The following FARS2 variants were observed in gnomAD, a reference collection of about 807,000 sequenced individuals.
FARS2 encodes the protein phenylalanyl-tRNA synthetase 2, mitochondrial.
FARS2 carries 40 observed loss-of-function variants against 46.4 expected under a neutral mutation model. The ratio of observed to expected loss-of-function variants is 0.86; its 90% CI spans 0.67 to 1.12. FARS2 has a LOEUF of 1.12. FARS2 is among the 50% of genes most tolerant of loss of function. The pLI, the probability that FARS2 is intolerant of heterozygous loss-of-function variation, is 0.00. For synonymous variants in FARS2, 234 were observed against 214.9 expected (o/e 1.09, Z -0.78); for missense variants, 513 against 567.9 (o/e 0.90, Z 0.98).
intron 4 of FARS2, among the ~76,000 whole-genome samples, chr6:5,514,068 A>C (rs1768626847): frequency 6.8e-6 from 1 of 146,952 alleles, no homozygotes; most frequent in Non-Finnish European, 1.5e-5. Flanking sequence ...AAAAAATAGA[A>C]AATTAACATA....
chr6:5,703,263 A>T (rs1758549768), intron 6 of FARS2, among the ~76,000 whole-genome samples: 1 of 152,162 alleles, frequency 6.6e-6, no homozygotes, highest in Non-Finnish European at 1.5e-5. Flanking sequence ...GGAACCAAGC[A>T]CAATCCACGC....
At chr6:5,745,913 G>T (rs1280749800) in intron 6 of FARS2, among the ~76,000 whole-genome samples, 1 of 152,128 alleles carries the variant, frequency 6.6e-6, no homozygotes, top group African/African-American at 2.4e-5. Context: ...AGAGTCGGAG[G>T]AGAACCCTGG....
At position 5,545,267 on chromosome 6, in the gene FARS2, T is replaced by A; in HGVS notation, c.992T>A (p.Leu331His). The A allele has an allele frequency of 6.2e-7, 1 of 1,614,124 alleles. No homozygotes were observed. The highest frequency in any genetic ancestry group is 8.5e-7 in the Non-Finnish European group (1 of 1,179,966). ...CTCTACGACATCCCTGATATCCGTC[T>A]CTTCTGGTGTGAGGACGAGCGCTTC... ...MILYDIPDIR[L>H]FWCEDERFLK... Residue 331 changes from leucine (L) to histidine (H), a missense_variant, in exon 5 of 7, where the codon CTC becomes CAC. Leu to His is a moderately conservative substitution (Grantham distance 99). Coordinates refer to ENST00000274680, the MANE Select transcript of FARS2 (RefSeq NM_006567.5).
intron 6 of FARS2, among the ~76,000 whole-genome samples, chr6:5,750,721 G>A (rs533821164): frequency 2.7e-3 from 409 of 152,160 alleles, no homozygotes; most frequent in Non-Finnish European, 4.4e-3. Flanking sequence ...TGCAGGAGGC[G>A]GGGGAGTTGT....
intron 5 of FARS2, among the ~76,000 whole-genome samples, chr6:5,604,238 G>T (rs1163022949): frequency 6.6e-6 from 1 of 152,154 alleles, no homozygotes; most frequent in Non-Finnish European, 1.5e-5. Context: ...GTCATCGCTC[G>T]TAGGATGGGG....
chr6:5,718,983 C>T (rs1020713884), intron 6 of FARS2, among the ~76,000 whole-genome samples: 11 of 152,156 alleles, frequency 7.2e-5, no homozygotes, highest in Admixed American at 7.2e-4. Context: ...AGCCTGAGTG[C>T]TTGCACCTTA....
chr6:5,426,713 C>T (rs1183449066), intron 3 of FARS2, among the ~76,000 whole-genome samples: 2 of 152,212 alleles, frequency 1.3e-5, no homozygotes, highest in Non-Finnish European at 2.9e-5. Flanking sequence ...GCAACCTCCA[C>T]CTCCCAGGTT....
intron 5 of FARS2, among the ~76,000 whole-genome samples, chr6:5,573,816 C>T (rs971522442): frequency 1.3e-5 from 2 of 152,282 alleles, no homozygotes; most frequent in East Asian, 3.9e-4. Flanking sequence ...ATTCCTTGTA[C>T]ATTCAGGGCC....
rs182564734 is a variant in FARS2, at chr6:5,311,241, A to G, written c.-22+49581A>G. 1.1e-4 allele frequency among the ~76,000 whole-genome samples: 16 copies of G among 152,338 alleles called. No homozygotes were observed. Among genetic ancestry groups the G allele is most frequent in the East Asian group, 3.9e-4 (2 of 5,186 alleles). On this transcript the variant is annotated intron_variant, in intron 1 of 6. Coordinates refer to ENST00000274680, the MANE Select transcript of FARS2 (RefSeq NM_006567.5). The surrounding 1 kb of genome is among the most constrained non-coding windows in gnomAD (Gnocchi z 4.1). ...TTAAGTAAAAAGCAAGATGTAGTAC[A>G]TGACCCTGTTTGTGTTAAGAATCAA...
intron 4 of FARS2, among the ~76,000 whole-genome samples, chr6:5,436,999 A>G (rs1170908961): frequency 6.6e-6 from 1 of 152,230 alleles, no homozygotes; most frequent in Non-Finnish European, 1.5e-5. Flanking sequence ...AACCATCACC[A>G]CAATCAAGAT....
At chr6:5,537,019 G>A (rs1242332465) in intron 4 of FARS2, among the ~76,000 whole-genome samples, 1 of 152,182 alleles carries the variant, frequency 6.6e-6, no homozygotes, top group Non-Finnish European at 1.5e-5. Context: ...ACTGATGAAA[G>A]TATAATGGTA....
At chr6:5,498,463 C>T (rs1017917358) in intron 4 of FARS2, among the ~76,000 whole-genome samples, 12 of 152,174 alleles carry the variant, frequency 7.9e-5, no homozygotes, top group Non-Finnish European at 1.2e-4. Flanking sequence ...TATCATAAAA[C>T]GTAAGTGTTT....
At chr6:5,589,159 G>A (rs952664425) in intron 5 of FARS2, among the ~76,000 whole-genome samples, 1 of 152,118 alleles carries the variant, frequency 6.6e-6, no homozygotes, top group Non-Finnish European at 1.5e-5. Flanking sequence ...GGGAGGAGGT[G>A]GTAAAAAGCC....
At chr6:5,746,524 A>T (rs1304824988) in intron 6 of FARS2, among the ~76,000 whole-genome samples, 1 of 152,030 alleles carries the variant, frequency 6.6e-6, no homozygotes, top group African/African-American at 2.4e-5. Context: ...TTTTCAAACC[A>T]AAGTTCTTTG....
intron 4 of FARS2, among the ~76,000 whole-genome samples, chr6:5,466,058 C>A (rs1052127253): frequency 2.6e-5 from 4 of 152,122 alleles, no homozygotes; most frequent in African/African-American, 9.7e-5. Context: ...TTCTGAAGCT[C>A]ATTTCTTACA....
At position 5,613,281 on chromosome 6, in the gene FARS2, T is replaced by C. The variant is rs762297477; in HGVS notation, c.1178T>C (p.Val393Ala). 2 of 1,613,582 alleles carry C rather than the reference T, an allele frequency of 1.2e-6. No individual in the cohort carries two copies. Among genetic ancestry groups the C allele is most frequent in the South Asian group, 2.2e-5 (2 of 91,002 alleles). Residue 393 changes from valine (V) to alanine (A), a missense_variant, in exon 6 of 7, where the codon GTG becomes GCG. Transcript: ENST00000274680. ...DLVRTIGGDL[V>A]EKVDLIDKFV... is the part of the protein sequence containing the mutation. ...GTCCGAACAATTGGAGGAGACCTGG[T>C]GGAAAAGGTTGATCTCATAGACAAG...
intron 2 of FARS2, among the ~76,000 whole-genome samples, chr6:5,383,871 G>A (rs994770802): frequency 2.0e-5 from 3 of 151,910 alleles, no homozygotes; most frequent in Admixed American, 6.6e-5. Flanking sequence ...GAATTTAGAT[G>A]GGGCCTTTGT....
rs577987516 is a variant in FARS2, at chr6:5,434,679, T to G, written c.904+3507T>G. Among the ~76,000 whole-genome samples, 24 of 152,302 alleles carry G rather than the reference T, an allele frequency of 1.6e-4. No individual in the cohort carries two copies. The East Asian group carries it at 4.1e-3, about 26-fold the overall frequency. ...TCTTATGGCGTGGAGAAAGACCGAATAGGTATACTTTATCCCACTCGTGCA... is the reference window on the plus strand; with the variant it reads ...TCTTATGGCGTGGAGAAAGACCGAAGAGGTATACTTTATCCCACTCGTGCA... On this transcript the variant is annotated intron_variant, in intron 4 of 6. Coordinates refer to ENST00000274680, the MANE Select transcript of FARS2 (RefSeq NM_006567.5).
intron 4 of FARS2, among the ~76,000 whole-genome samples, chr6:5,449,255 A>G (rs1216302184): frequency 6.6e-6 from 1 of 151,032 alleles, no homozygotes; most frequent in Non-Finnish European, 1.5e-5. Context: ...AGGCTGAGGC[A>G]GGAGAATCGC....
Sources: gnomAD v4.1 joint callset for allele counts (sites outside exome capture counted in the v4.1 genomes callset) on GRCh38, gnomAD v4.1.1 for gene constraint, Gnocchi (gnomAD v3.1) non-coding constraint, MANE v1.5 for transcripts, NCBI Gene and HGNC (gene_info 2026-07-23, HGNC 2026-07-21) for gene names.